ZNF541: variants seen among roughly 807,000 people sequenced by gnomAD.
ZNF541 encodes zinc finger protein 541.
Under a neutral mutation model 123.5 loss-of-function variants are expected in ZNF541, and 23 were observed. The observed-to-expected ratio is 0.19, with a 90% CI of 0.13 to 0.26. ZNF541 has a LOEUF of 0.26. Ranked by LOEUF, ZNF541 falls within the 10% of genes least tolerant of loss-of-function variation. The pLI is 1.00. For missense variants in ZNF541, 1,612 were observed against 1,789.9 expected, an observed-to-expected ratio of 0.90 and a Z score of 1.79; for synonymous variants, 751 against 754.5, an observed-to-expected ratio of 1.00 and a Z score of 0.08.
chr19:47,532,702 G>A lies in ZNF541; in HGVS notation c.3158+207C>T, dbSNP rs553184060. ...TATTTCTAGAAGGAATAATTTGGGG[G>A]GATTTTCATATATATATATATATTT... On this transcript the variant is annotated intron_variant, in intron 10 of 16. Transcript: ENST00000391901. 2.0e-5 allele frequency among the ~76,000 whole-genome samples: 3 copies of A among 151,842 alleles called. No homozygotes were observed. In the South Asian group the frequency reaches 6.2e-4, roughly 32 times the overall value.
intron 3 of ZNF541, among the ~76,000 whole-genome samples, chr19:47,552,675 G>A (rs868493830): frequency 3.6e-5 from 5 of 138,028 alleles, no homozygotes; most frequent in South Asian, 2.4e-4. Flanking sequence ...CCCGGGAGGC[G>A]GAGCTTGCAG....
chr19:47,572,800 G>A (rs182150597), intron 1 of ZNF541, among the ~76,000 whole-genome samples: 21 of 151,988 alleles, frequency 1.4e-4, no homozygotes, highest in African/African-American at 4.3e-4. Flanking sequence ...GGGGTGCAGC[G>A]GGCCAGGGGA....
At chr19:47,522,151 A>C (rs1476079010) in intron 14 of ZNF541, among the ~76,000 whole-genome samples, 157 bp from the exon 15 acceptor site, 2 of 152,044 alleles carry the variant, frequency 1.3e-5, no homozygotes, top group Non-Finnish European at 2.9e-5. Flanking sequence ...GGACCACAAA[A>C]TCCTTCCTGG....
At position 47,544,698 on chromosome 19, in the gene ZNF541, G is replaced by C. The variant is rs755098158; in HGVS notation, c.1831C>G (p.Leu611Val). ...PPPLAPAVDS[L>V]HAGPGNPEAE... Reference sequence around the variant, plus strand: ...TCGGGGTTTCCAGGGCCGGCGTGGAGAGAGTCCACAGCAGGAGCCAGTGGT... The same window carrying C: ...TCGGGGTTTCCAGGGCCGGCGTGGACAGAGTCCACAGCAGGAGCCAGTGGT... Residue 611 changes from leucine (L) to valine (V), a missense_variant, in exon 5 of 17, where the codon CTC becomes GTC. By Grantham distance (32) the Leu-to-Val change is conservative. Transcript: ENST00000391901. 8 of 1,518,786 alleles carry C rather than the reference G, an allele frequency of 5.3e-6. No individual in the cohort carries two copies. Among genetic ancestry groups the C allele is most frequent in the Non-Finnish European group, 6.2e-6 (7 of 1,135,560 alleles). 94.1% of individuals were successfully genotyped at this position (1,518,786 alleles called of 1,614,324 possible).
Position 47,545,182 on chromosome 19 carries a change from CGGGCCAGACTCG to C in ZNF541, c.1335_1346del (p.Glu446_Pro449del). The stretch of plus-strand genomic sequence containing the variant: ...CCGAGGGGCTTCCGCTGCTGGGTCC[CGGGCCAGACTCG>C]GAGCCCTCCCGCGAGGGCACGGCCG... On this transcript the variant is annotated inframe_deletion, in exon 5 of 17. Transcript: ENST00000391901. This position sits in a 1 kb window ranked among gnomAD's most constrained non-coding sequence, Gnocchi z 7.5. The C allele has an allele frequency of 6.6e-7, 1 of 1,510,230 alleles. No homozygotes were observed. The highest frequency in any genetic ancestry group is 8.9e-7 in the Non-Finnish European group (1 of 1,127,404). The allele number at this position is 1,510,230 out of a possible 1,614,324, so 93.6% of individuals were successfully genotyped here.
chr19:47,525,763 A>G (rs1266428681), intron 14 of ZNF541, among the ~76,000 whole-genome samples: 1 of 152,098 alleles, frequency 6.6e-6, no homozygotes, highest in African/African-American at 2.4e-5. Flanking sequence ...AATACAAAAA[A>G]TTAGGCGGGC....
intron 11 of ZNF541, 40 bp from the exon 12 acceptor site, chr19:47,531,785 G>C: frequency 6.7e-7 from 1 of 1,499,684 alleles, no homozygotes; most frequent in Non-Finnish European, 9.0e-7. Flanking sequence ...AGGCACACAG[G>C]AGTCATCAGG....
At chr19:47,529,346 C>T (rs886352187) in intron 13 of ZNF541, among the ~76,000 whole-genome samples, 1 of 152,190 alleles carries the variant, frequency 6.6e-6, no homozygotes, top group Admixed American at 6.5e-5. Flanking sequence ...TGATCATTCC[C>T]CTTCCAGCTG....
chr19:47,544,885 A>G lies in ZNF541; in HGVS notation c.1644T>C (p.Pro548=), dbSNP rs1206695978. Residue 548 remains proline (P), a synonymous_variant, in exon 5 of 17, where the codon CCT becomes CCC. Coordinates refer to ENST00000391901, the MANE Select transcript of ZNF541 (RefSeq NM_001277075.3). ...FRQLFLKSQE[P]LVSHEQMQVF... ...CCTGCATCTGCTCGTGGCTCACAAG[A>G]GGTTCCTGCGACTTGAGGAAGAGCT... 15 of 1,536,136 alleles carry G rather than the reference A, an allele frequency of 9.8e-6. No homozygotes were observed. Among genetic ancestry groups the G allele is most frequent in the Admixed American group, 2.0e-5 (1 of 51,008 alleles).
chr19:47,555,982 T>C (rs1970806787), intron 2 of ZNF541, 28 bp from the exon 3 acceptor site: 1 of 1,035,520 alleles, frequency 9.7e-7, no homozygotes, highest in East Asian at 2.6e-5. Flanking sequence ...AGAATGAAAG[T>C]TATTAGGTGG....
At chr19:47,546,707 G>A (rs1483155506) in intron 4 of ZNF541, among the ~76,000 whole-genome samples, 1 of 152,060 alleles carries the variant, frequency 6.6e-6, no homozygotes, top group Non-Finnish European at 1.5e-5. Context: ...ACGATGCACA[G>A]TAGCAAATTT....
intron 3 of ZNF541, among the ~76,000 whole-genome samples, chr19:47,552,615 C>A (rs912348876): frequency 6.6e-6 from 1 of 150,654 alleles, no homozygotes; most frequent in South Asian, 2.1e-4. Context: ...CAGTGGCGGG[C>A]GCCTGTGGTC....
At chr19:47,527,900 T>C (rs941657493) in intron 14 of ZNF541, among the ~76,000 whole-genome samples, 3 of 150,300 alleles carry the variant, frequency 2.0e-5, no homozygotes, top group African/African-American at 7.3e-5. Context: ...GGTTTCTCCA[T>C]GTTGGTCAGG....
chr19:47,527,046 A>G (rs1969331798), intron 14 of ZNF541, among the ~76,000 whole-genome samples: 2 of 152,218 alleles, frequency 1.3e-5, no homozygotes, highest in African/African-American at 4.8e-5. Flanking sequence ...ACTCAAAATC[A>G]TGATGCTGAG....
intron 9 of ZNF541, among the ~76,000 whole-genome samples, chr19:47,536,974 G>A (rs1382405618): frequency 6.6e-6 from 1 of 152,134 alleles, no homozygotes; most frequent in Admixed American, 6.6e-5. Flanking sequence ...AAATAAACTA[G>A]ACACAAAAGG....
intron 2 of ZNF541, among the ~76,000 whole-genome samples, chr19:47,560,884 T>A (rs1358517880): frequency 1.3e-5 from 2 of 151,942 alleles, no homozygotes; most frequent in East Asian, 3.9e-4. Flanking sequence ...TCTTCAGGAA[T>A]AAAAAGCAAT....
At chr19:47,559,667 T>C (rs1444103829) in intron 2 of ZNF541, among the ~76,000 whole-genome samples, 2 of 151,746 alleles carry the variant, frequency 1.3e-5, no homozygotes, top group African/African-American at 4.8e-5. Flanking sequence ...CTGGCCAGCA[T>C]AGTAAAACCC....
chr19:47,540,835 A>T, intron 6 of ZNF541, 58 bp downstream of exon 6: 1 of 1,521,706 alleles, frequency 6.6e-7, no homozygotes, highest in Non-Finnish European at 8.9e-7. Context: ...GGGCCGGCAC[A>T]GGAAGGCCAG....
intron 4 of ZNF541, among the ~76,000 whole-genome samples, chr19:47,548,038 A>C (rs75677913): frequency 1.3e-4 from 17 of 134,530 alleles, no homozygotes; most frequent in African/African-American, 5.0e-4. Flanking sequence ...AAGACTGTCC[A>C]AAAAAAAAAA....
Sources: gnomAD v4.1 joint callset for allele counts (sites outside exome capture counted in the v4.1 genomes callset) on GRCh38, gnomAD v4.1.1 for gene constraint, Gnocchi (gnomAD v3.1) non-coding constraint, MANE v1.5 for transcripts, NCBI Gene and HGNC (gene_info 2026-07-23, HGNC 2026-07-21) for gene names.